CACNA2D4: variants seen among roughly 807,000 people sequenced by gnomAD.
The protein encoded by CACNA2D4 is voltage-dependent calcium channel subunit alpha-2/delta-4.
A neutral mutation model predicts 163.8 loss-of-function variants in CACNA2D4; 157 were observed. The ratio of observed to expected loss-of-function variants is 0.96; its 90% confidence interval spans 0.84 to 1.09. CACNA2D4 has a LOEUF of 1.09. CACNA2D4 is among the 50% of genes least tolerant of loss of function. The pLI, the probability that CACNA2D4 is intolerant of heterozygous loss-of-function variation, is 0.00. For synonymous variants in CACNA2D4, 598 were observed against 586.9 expected (o/e 1.02, Z -0.27); for missense variants, 1,410 against 1,479.9 (o/e 0.95, Z 0.78).
rs1865451901 is a variant in CACNA2D4, at chr12:1,858,568, C to CCGA, written c.2008+6_2008+8dup. ...CTTAACTGTCCCTCAGCCCCTGGTA[C>CCGA]CGACCCACCTTCTTCCACAGACGTG... On this transcript the variant is annotated intron_variant, in intron 20 of 37. Transcript: ENST00000382722. The CCGA allele has an allele frequency of 6.2e-7, 1 of 1,613,104 alleles. No homozygotes were observed. The highest frequency in any genetic ancestry group is 1.1e-5 in the South Asian group (1 of 91,014).
intron 18 of CACNA2D4, among the ~76,000 whole-genome samples, chr12:1,861,304 A>C (rs1194465414): frequency 6.6e-6 from 1 of 152,170 alleles, no homozygotes; most frequent in African/African-American, 2.4e-5. Flanking sequence ...TCCTCTGCCC[A>C]GTCAGACCCT....
At chr12:1,914,320 C>G (rs16928921) in intron 2 of CACNA2D4, among the ~76,000 whole-genome samples, 22,451 of 152,188 alleles carry the variant, frequency 0.15, 1,945 homozygotes, top group African/African-American at 0.22. Flanking sequence ...TTGTTTATAA[C>G]CTGGTAAGAA....
chr12:1,900,226 G>T (rs1365919446), intron 6 of CACNA2D4, among the ~76,000 whole-genome samples: 2 of 152,134 alleles, frequency 1.3e-5, no homozygotes, highest in African/African-American at 4.8e-5. Context: ...GACTCCTGGG[G>T]TCAAGTGATC....
Position 1,905,858 on chromosome 12 carries a change from GA to G in CACNA2D4, c.781+1581del, listed in dbSNP as rs1334790847. Among the ~76,000 whole-genome samples, 3 of 152,158 alleles carry G rather than the reference GA, an allele frequency of 2.0e-5. No homozygotes were observed. In the East Asian group the frequency reaches 5.8e-4, roughly 29 times the overall value. ...ATTCTAAAATTTATATGGAACTCAA[GA>G]AACCCCAAATAGCCTAAACAATTTG... On this transcript the variant is annotated intron_variant, in intron 6 of 37. Coordinates refer to ENST00000382722, the MANE Select transcript of CACNA2D4 (RefSeq NM_172364.5).
intron 22 of CACNA2D4, among the ~76,000 whole-genome samples, chr12:1,854,668 A>C (rs578053836): frequency 6.6e-6 from 1 of 152,242 alleles, no homozygotes; most frequent in Non-Finnish European, 1.5e-5. Context: ...GGCCTCCTAA[A>C]GTGCTGGCAT....
chr12:1,801,640 C>G lies in CACNA2D4; in HGVS notation c.2726G>C (p.Gly909Ala). The stretch of plus-strand genomic sequence containing the variant: ...ACCATCCACCTCCCCCAGAAATCTT[C>G]CCGTCTGTGAGAGAGGGACAGCAGA... ...ILISKRSRET[G>A]RFLGEVDGAV... Residue 909 changes from glycine to alanine, a missense_variant, in exon 30 of 38, where the codon GGA becomes GCA. By Grantham distance (60) the Gly-to-Ala change is moderately conservative. Coordinates refer to ENST00000382722, the MANE Select transcript of CACNA2D4 (RefSeq NM_172364.5). 4 of 1,583,370 alleles carry G rather than the reference C, an allele frequency of 2.5e-6. No individual in the cohort carries two copies. Among genetic ancestry groups the G allele is most frequent in the Non-Finnish European group, 3.4e-6 (4 of 1,163,584 alleles).
chr12:1,893,973 T>C (rs976495699), intron 6 of CACNA2D4, among the ~76,000 whole-genome samples: 1 of 152,010 alleles, frequency 6.6e-6, no homozygotes, highest in African/African-American at 2.4e-5. Context: ...AAGTTGGTTT[T>C]TGAAAAAGAT....
intron 3 of CACNA2D4, among the ~76,000 whole-genome samples, chr12:1,912,197 C>T (rs937392706): frequency 2.6e-5 from 4 of 152,230 alleles, no homozygotes; most frequent in Admixed American, 1.3e-4. Flanking sequence ...CAGCCAACCA[C>T]TCCCGATCTC....
chr12:1,845,496 G>C (rs1215240065), intron 24 of CACNA2D4, among the ~76,000 whole-genome samples: 1 of 152,188 alleles, frequency 6.6e-6, no homozygotes, highest in African/African-American at 2.4e-5. Flanking sequence ...CAGAGTCCTG[G>C]AAGAAGCTCA....
At chr12:1,902,264 T>C (rs1866556062) in intron 6 of CACNA2D4, among the ~76,000 whole-genome samples, 1 of 152,040 alleles carries the variant, frequency 6.6e-6, no homozygotes, top group Admixed American at 6.6e-5. Context: ...TCATATTAGA[T>C]GGGGAAAGAC....
chr12:1,831,695 A>G (rs1326674038), intron 26 of CACNA2D4, among the ~76,000 whole-genome samples: 1 of 151,948 alleles, frequency 6.6e-6, no homozygotes, highest in Non-Finnish European at 1.5e-5. Flanking sequence ...CTCCCCTCAC[A>G]TGAGCCATCA....
chr12:1,910,262 G>A (rs1866781212), intron 3 of CACNA2D4, among the ~76,000 whole-genome samples: 2 of 152,262 alleles, frequency 1.3e-5, no homozygotes, highest in Non-Finnish European at 2.9e-5. Flanking sequence ...AGATAGAGAA[G>A]ATAAGTGGTT....
At chr12:1,885,687 A>G (rs1021159131) in intron 9 of CACNA2D4, among the ~76,000 whole-genome samples, 2 of 152,222 alleles carry the variant, frequency 1.3e-5, no homozygotes, top group African/African-American at 2.4e-5. Flanking sequence ...AAAAGGGGAA[A>G]TTGAGTCCTA....
Position 1,917,042 on chromosome 12 carries a change from G to T in CACNA2D4, c.227+1205C>A, listed in dbSNP as rs376991648. On this transcript the variant is annotated intron_variant, in intron 1 of 37. Coordinates refer to ENST00000382722, the MANE Select transcript of CACNA2D4 (RefSeq NM_172364.5). The surrounding 1 kb of genome is among the most constrained non-coding windows in gnomAD (Gnocchi z 4.3). ...GGTGTGTGTTCTGGGGATGAAAATT[G>T]TTCTGAACATCTCCTGCAGCAACAG... 1.1e-3 allele frequency among the ~76,000 whole-genome samples: 163 copies of T among 152,290 alleles called. No homozygotes were observed. The highest frequency in any genetic ancestry group is 3.8e-3 in the African/African-American group (158 of 41,564).
intron 22 of CACNA2D4, among the ~76,000 whole-genome samples, chr12:1,855,106 A>T (rs1865370710): frequency 6.6e-6 from 1 of 152,164 alleles, no homozygotes; most frequent in African/African-American, 2.4e-5. Flanking sequence ...CATGGCGCTT[A>T]TCACAATTTA....
chr12:1,853,500 C>A (rs780322145), intron 23 of CACNA2D4, among the ~76,000 whole-genome samples: 3 of 152,234 alleles, frequency 2.0e-5, no homozygotes, highest in Admixed American at 1.3e-4. Flanking sequence ...ATACCTTACT[C>A]TGCCCCCCAA....
At chr12:1,888,060 C>T (rs1866193366) in intron 6 of CACNA2D4, among the ~76,000 whole-genome samples, 2 of 152,138 alleles carry the variant, frequency 1.3e-5, no homozygotes, top group South Asian at 4.1e-4. Flanking sequence ...CACCCAAAGC[C>T]TTGAAGGTGG....
chr12:1,831,295 G>A (rs553400606), intron 26 of CACNA2D4: 45 of 1,613,408 alleles, frequency 2.8e-5, no homozygotes, highest in Admixed American at 6.7e-5. Context: ...CCGCTGCTCC[G>A]CCACCTGGAC....
intron 26 of CACNA2D4, among the ~76,000 whole-genome samples, chr12:1,812,518 CA>C (rs2154445902): frequency 6.6e-6 from 1 of 152,332 alleles, no homozygotes; most frequent in Non-Finnish European, 1.5e-5. Context: ...AGAAGAATTT[CA>C]AAACTAGGCC....
Sources: gnomAD v4.1 joint callset for allele counts (sites outside exome capture counted in the v4.1 genomes callset) on GRCh38, gnomAD v4.1.1 for gene constraint, Gnocchi (gnomAD v3.1) non-coding constraint, MANE v1.5 for transcripts, NCBI Gene and HGNC (gene_info 2026-07-23, HGNC 2026-07-21) for gene names.